NRXN1: variants seen among roughly 807,000 people sequenced by gnomAD.
NRXN1 encodes the protein neurexin-1.
A neutral mutation model predicts 150.9 loss-of-function variants in NRXN1; 39 were observed. The ratio of observed to expected loss-of-function variants is 0.26; its 90% CI spans 0.20 to 0.34. NRXN1 has a LOEUF of 0.34. Among genes scored for constraint, NRXN1 ranks in the 10% least tolerant of loss-of-function variants. NRXN1 has a pLI of 1.00. For missense variants in NRXN1, 1,815 were observed against 1,949.9 expected, an observed-to-expected ratio of 0.93 and a Z score of 1.30; for synonymous variants, 924 against 757.0, an observed-to-expected ratio of 1.22 and a Z score of -3.62.
At position 49,922,499 on chromosome 2, in the gene NRXN1, T is replaced by C. The variant is rs78618141; in HGVS notation, c.4217-248A>G. Among the ~76,000 whole-genome samples the C allele has an allele frequency of 5.3e-4, 80 of 152,240 alleles. 1 individual carries two copies. In the East Asian group the frequency reaches 0.015, roughly 29 times the overall value. ...AATCAATTTTGTTCACAGAGTTTGG[T>C]AAGCATTGTCCCAAATAAACTCCAA... On this transcript the variant is annotated intron_variant, in intron 22 of 22. Coordinates refer to ENST00000401669, the MANE Select transcript of NRXN1 (RefSeq NM_001330078.2).
At chr2:49,926,177 A>C (rs764077642) in intron 22 of NRXN1, 25 of 394,324 alleles carry the variant, frequency 6.3e-5, no homozygotes, top group Non-Finnish European at 1.0e-4. Context: ...GCAGTACAAC[A>C]GTTATGACCC....
intron 2 of NRXN1, among the ~76,000 whole-genome samples, chr2:50,960,488 T>A (rs1347800243): frequency 1.3e-5 from 2 of 151,924 alleles, no homozygotes; most frequent in African/African-American, 4.8e-5. Context: ...AAAAGAATTA[T>A]TACAGAAAAT....
At chr2:50,860,473 G>A (rs1437896481) in intron 5 of NRXN1, among the ~76,000 whole-genome samples, 3 of 152,072 alleles carry the variant, frequency 2.0e-5, no homozygotes, top group East Asian at 1.9e-4. Context: ...GGGTTGGGGT[G>A]AAAAGATGAA....
At chr2:51,017,177 A>C (rs1668806591) in intron 2 of NRXN1, among the ~76,000 whole-genome samples, 1 of 152,034 alleles carries the variant, frequency 6.6e-6, no homozygotes. Flanking sequence ...TAGGTGCAGC[A>C]AACCACCATG....
rs559712484 is a variant in NRXN1, at chr2:50,934,585, T to C, written c.773-8630A>G. Reference sequence around the variant, plus strand: ...CTACCAGGCTGGACAGCACAAATTGTGAAGCTTTCAGTCATTACAATAAGT... The same window carrying C: ...CTACCAGGCTGGACAGCACAAATTGCGAAGCTTTCAGTCATTACAATAAGT... On this transcript the variant is annotated intron_variant, in intron 2 of 22. Coordinates refer to ENST00000401669, the MANE Select transcript of NRXN1 (RefSeq NM_001330078.2). 1.8e-3 allele frequency among the ~76,000 whole-genome samples: 279 copies of C among 152,328 alleles called. 1 individual carries two copies. The highest frequency in any genetic ancestry group is 3.5e-3 in the Non-Finnish European group (236 of 68,042).
chr2:50,188,660 C>CT (rs2061244904), intron 18 of NRXN1, among the ~76,000 whole-genome samples: 1 of 151,570 alleles, frequency 6.6e-6, no homozygotes, highest in Non-Finnish European at 1.5e-5. Flanking sequence ...CTACAAGGAA[C>CT]TTAAACAAAT....
intron 5 of NRXN1, among the ~76,000 whole-genome samples, chr2:50,905,852 T>C (rs1683590875): frequency 6.6e-6 from 1 of 152,140 alleles, no homozygotes; most frequent in Non-Finnish European, 1.5e-5. Context: ...TTTATCAAAA[T>C]GGAAGATAAA....
At chr2:50,107,954 G>A (rs1028967138) in intron 18 of NRXN1, among the ~76,000 whole-genome samples, 19 of 151,670 alleles carry the variant, frequency 1.3e-4, no homozygotes, top group African/African-American at 4.6e-4. Context: ...AATAGGTAAG[G>A]AAACTGAGTC....
intron 15 of NRXN1, among the ~76,000 whole-genome samples, chr2:50,482,039 A>G (rs1312091762): frequency 6.6e-6 from 1 of 151,702 alleles, no homozygotes; most frequent in Non-Finnish European, 1.5e-5. Context: ...AAGTGCTGGG[A>G]TTACAGGCGT....
chr2:50,656,868 G>A (rs563558272), intron 5 of NRXN1, among the ~76,000 whole-genome samples: 1 of 152,044 alleles, frequency 6.6e-6, no homozygotes, highest in South Asian at 2.1e-4. Context: ...ATAAAAGGAA[G>A]GCTATCCAAG....
At chr2:49,932,686 C>CT (rs751229268) in intron 22 of NRXN1, among the ~76,000 whole-genome samples, 1 of 152,134 alleles carries the variant, frequency 6.6e-6, no homozygotes, top group Non-Finnish European at 1.5e-5. Context: ...TCAACTTATG[C>CT]TTAACAGAGC....
intron 2 of NRXN1, among the ~76,000 whole-genome samples, chr2:51,015,332 T>C (rs1668494448): frequency 6.6e-6 from 1 of 152,122 alleles, no homozygotes; most frequent in African/African-American, 2.4e-5. Context: ...CTTGAGCATC[T>C]TTCCATCCTC....
chr2:49,946,209 T>C (rs1156282572), intron 21 of NRXN1, among the ~76,000 whole-genome samples: 1 of 152,248 alleles, frequency 6.6e-6, no homozygotes, highest in Non-Finnish European at 1.5e-5. Context: ...GTTCATATAC[T>C]TCACCCACTT....
At chr2:50,026,720 T>A (rs2152564111) in intron 21 of NRXN1, among the ~76,000 whole-genome samples, 2 of 152,126 alleles carry the variant, frequency 1.3e-5, no homozygotes, top group South Asian at 4.2e-4. Context: ...TTCACTTCCT[T>A]TTTAGATTAT....
chr2:50,127,620 G>T (rs1216901668), intron 18 of NRXN1, among the ~76,000 whole-genome samples: 1 of 152,044 alleles, frequency 6.6e-6, no homozygotes, highest in East Asian at 1.9e-4. Flanking sequence ...CTTACTATAT[G>T]TCTTATCACT....
intron 5 of NRXN1, among the ~76,000 whole-genome samples, chr2:50,741,733 A>T (rs1326029177): frequency 6.6e-6 from 1 of 152,122 alleles, no homozygotes; most frequent in Non-Finnish European, 1.5e-5. Context: ...GGCTTTCCAC[A>T]CAGCACCTTA....
At chr2:50,125,671 C>T (rs989809418) in intron 18 of NRXN1, among the ~76,000 whole-genome samples, 2 of 151,974 alleles carry the variant, frequency 1.3e-5, no homozygotes, top group African/African-American at 4.8e-5. Context: ...TAATGAAATT[C>T]TCATTTGTAT....
At chr2:49,923,163 T>C (rs1414490191) in intron 22 of NRXN1, among the ~76,000 whole-genome samples, 3 of 152,142 alleles carry the variant, frequency 2.0e-5, no homozygotes, top group East Asian at 1.9e-4. Context: ...AAATTGATGA[T>C]TGATGGGGAA....
intron 5 of NRXN1, among the ~76,000 whole-genome samples, chr2:50,838,374 T>C (rs1425206509): frequency 6.6e-6 from 1 of 152,170 alleles, no homozygotes; most frequent in Non-Finnish European, 1.5e-5. Flanking sequence ...AACCAACATG[T>C]AATGTTTTAA....
Sources: allele counts gnomAD v4.1 joint callset (sites outside exome capture counted in the v4.1 genomes callset), GRCh38; gene constraint gnomAD v4.1.1; transcripts MANE v1.5; gene names NCBI Gene and HGNC (gene_info 2026-07-23, HGNC 2026-07-21).